Variants in DMD observed in about 807,000 individuals in gnomAD.
DMD encodes mutant dystrophin.
Under a neutral mutation model 330.1 loss-of-function variants are expected in DMD, and 63 were observed. The ratio of observed to expected loss-of-function variants is 0.19; its 90% confidence interval spans 0.16 to 0.24. DMD has a LOEUF of 0.24. Among genes scored for constraint, DMD ranks in the 10% least tolerant of loss-of-function variants. The pLI, the probability that DMD is intolerant of heterozygous loss-of-function variation, is 1.00. For missense variants in DMD, 3,344 were observed against 2,684.1 expected (o/e 1.25, Z -5.43); for synonymous variants, 1,223 against 959.8 (o/e 1.27, Z -5.07).
chrX:31,589,584 A>G (rs946434036), intron 55 of DMD, among the ~76,000 whole-genome samples: 5 of 111,669 alleles, frequency 4.5e-5, no homozygotes, highest in Non-Finnish European at 7.5e-5. Flanking sequence ...GATCACCTTC[A>G]AAAATACTGC....
At chrX:31,832,591 A>G (rs1402062292) in intron 49 of DMD, among the ~76,000 whole-genome samples, 4 of 112,225 alleles carry the variant, frequency 3.6e-5, no homozygotes, top group African/African-American at 9.7e-5. Flanking sequence ...GTTGGGATGG[A>G]ACGCTTTGGC....
intron 61 of DMD, among the ~76,000 whole-genome samples, chrX:31,341,982 T>C (rs2057799100): frequency 9.0e-6 from 1 of 110,510 alleles, no homozygotes; most frequent in Non-Finnish European, 1.9e-5. Flanking sequence ...CTTGCTTAGG[T>C]AATGCACTCT....
At chrX:32,934,951 T>C (rs1415540606) in intron 2 of DMD, among the ~76,000 whole-genome samples, 1 of 112,666 alleles carries the variant, frequency 8.9e-6, no homozygotes, top group African/African-American at 3.2e-5. Flanking sequence ...CTTTCTGGAG[T>C]GTTGTCTAAT....
At chrX:33,045,200 C>A (rs999083196) in intron 1 of DMD, among the ~76,000 whole-genome samples, 30 of 110,118 alleles carry the variant, frequency 2.7e-4, no homozygotes, top group Admixed American at 2.5e-3. Context: ...AGATTGTAAA[C>A]CTGAGGCAAT....
intron 2 of DMD, among the ~76,000 whole-genome samples, chrX:32,999,697 A>G (rs1042550247): frequency 9.1e-6 from 1 of 110,450 alleles, no homozygotes; most frequent in Non-Finnish European, 1.9e-5. Flanking sequence ...AATCGCTTGA[A>G]CTAGGGAGTC....
chrX:31,320,250 T>G (rs1190422567), intron 62 of DMD, among the ~76,000 whole-genome samples: 1 of 112,553 alleles, frequency 8.9e-6, no homozygotes, highest in East Asian at 2.8e-4. Context: ...CTGCCTGATT[T>G]GCAAACTAGA....
intron 45 of DMD, among the ~76,000 whole-genome samples, chrX:31,938,202 T>G (rs2150031565): frequency 8.9e-6 from 1 of 111,800 alleles, no homozygotes; most frequent in African/African-American, 3.2e-5. Flanking sequence ...TGCTAGATAG[T>G]TTCACAGTGG....
intron 12 of DMD, among the ~76,000 whole-genome samples, chrX:32,596,484 C>A (rs2055549030): frequency 9.1e-6 from 1 of 110,412 alleles, no homozygotes; most frequent in Non-Finnish European, 1.9e-5. Flanking sequence ...CCTAATTGGC[C>A]ACTCCCTCAT....
intron 18 of DMD, among the ~76,000 whole-genome samples, chrX:32,510,648 C>A (rs2045198201): frequency 9.0e-6 from 1 of 111,558 alleles, no homozygotes; most frequent in Non-Finnish European, 1.9e-5. Flanking sequence ...ATTATGGTCT[C>A]TCCCCTTACC....
intron 48 of DMD, among the ~76,000 whole-genome samples, chrX:31,855,785 C>T (rs1405120506): frequency 9.0e-6 from 1 of 110,966 alleles, no homozygotes; most frequent in African/African-American, 3.3e-5. Context: ...TCTTCCTAAA[C>T]ATGTACAGGA....
At chrX:33,315,943 T>G (rs1344873386) in intron 1 of DMD, among the ~76,000 whole-genome samples, 1 of 111,324 alleles carries the variant, frequency 9.0e-6, no homozygotes, top group East Asian at 2.8e-4. Flanking sequence ...GAAACATATG[T>G]TCCTTTATTG....
intron 54 of DMD, among the ~76,000 whole-genome samples, chrX:31,655,462 T>C (rs2080726150): frequency 9.0e-6 from 1 of 111,303 alleles, no homozygotes; most frequent in Admixed American, 9.6e-5. Flanking sequence ...TTTGGGGCTT[T>C]GGGGATGAAA....
At chrX:31,263,507 TC>T (rs1354355019) in intron 62 of DMD, among the ~76,000 whole-genome samples, 3 of 112,018 alleles carry the variant, frequency 2.7e-5, no homozygotes, top group African/African-American at 9.7e-5. Flanking sequence ...ACTGAAAATC[TC>T]CTTTACTGGA....
At chrX:32,272,463 A>C (rs1444552683) in intron 43 of DMD, among the ~76,000 whole-genome samples, 1 of 112,247 alleles carries the variant, frequency 8.9e-6, no homozygotes, top group Non-Finnish European at 1.9e-5. Context: ...TGTATATGAG[A>C]CTTTAAAAAG....
intron 47 of DMD, among the ~76,000 whole-genome samples, chrX:31,903,475 A>C (rs2094446177): frequency 8.9e-6 from 1 of 112,254 alleles, no homozygotes; most frequent in Admixed American, 9.5e-5. Context: ...GCAATATTAT[A>C]AAACCAGCAA....
At position 31,580,293 on chromosome X, in the gene DMD, G is replaced by C. The variant is rs548717417; in HGVS notation, c.8217+47380C>G. Among the ~76,000 whole-genome samples the C allele has an allele frequency of 8.0e-5, 9 of 112,000 alleles. 1 individual carries two copies. The South Asian group carries it at 3.0e-3, about 37-fold the overall frequency. Reference sequence around the variant, plus strand: ...GGATATTGCAGGCTTAATGGAAGCAGGGGCTCAACAAATTGTTTACATGTT... The same window carrying C: ...GGATATTGCAGGCTTAATGGAAGCACGGGCTCAACAAATTGTTTACATGTT... On this transcript the variant is annotated intron_variant, in intron 55 of 78. Coordinates refer to ENST00000357033, the MANE Select transcript of DMD (RefSeq NM_004006.3).
At chrX:32,729,075 T>A (rs894693057) in intron 7 of DMD, among the ~76,000 whole-genome samples, 1 of 112,223 alleles carries the variant, frequency 8.9e-6, no homozygotes, top group African/African-American at 3.2e-5. Flanking sequence ...AGCAAGTAAG[T>A]TCAATACAGG....
At chrX:33,189,283 T>C (rs1569557906) in intron 1 of DMD, among the ~76,000 whole-genome samples, 1 of 111,613 alleles carries the variant, frequency 9.0e-6, no homozygotes, top group Non-Finnish European at 1.9e-5. Context: ...TTAAGCCTTA[T>C]GCTCATCTCT....
intron 51 of DMD, among the ~76,000 whole-genome samples, chrX:31,756,689 T>C (rs913686698): frequency 8.9e-6 from 1 of 112,731 alleles, no homozygotes; most frequent in South Asian, 3.6e-4. Context: ...ATGCCTGGTA[T>C]ATACTAGAAA....
Sources: gnomAD v4.1 joint callset for allele counts (sites outside exome capture counted in the v4.1 genomes callset) on GRCh38, gnomAD v4.1.1 for gene constraint, MANE v1.5 for transcripts, NCBI Gene and HGNC (gene_info 2026-07-23, HGNC 2026-07-21) for gene names.